Variants in ADGRV1 observed in about 807,000 individuals in gnomAD.
ADGRV1 encodes the protein G-protein coupled receptor 98.
In ADGRV1, 359 loss-of-function variants were observed where a neutral mutation model predicts 596.2. That is an observed-to-expected ratio of 0.60 (90% CI 0.55 to 0.66). The LOEUF is 0.66. ADGRV1 is among the 30% of genes least tolerant of loss of function. The probability of loss-of-function intolerance (pLI) is 0.00; values close to 1 mark genes in which losing one functional copy is unlikely to be tolerated. For synonymous variants in ADGRV1, 2,681 were observed against 2,679.2 expected (o/e 1.00, Z -0.02); for missense variants, 7,274 against 7,575.6 (o/e 0.96, Z 1.48).
rs767899170 is a variant in ADGRV1, at chr5:90,647,594, C to G, written c.3119C>G (p.Thr1040Ser). ...VDVTCMVQYA[T>S]KDGKATARER... ...GTGACTTGCATGGTCCAGTATGCTA[C>G]CAAGGATGGGAAGGCTACTGCAAGA... The change falls in exon 17 of 90, where the codon ACC becomes AGC. Residue 1040 changes from threonine to serine, a missense_variant. Around this residue, in one of 5 missense-constraint regions of ADGRV1, gnomAD observed 1,715 missense variants for 1,708.8 expected, o/e 1.00. Coordinates refer to ENST00000405460, the MANE Select transcript of ADGRV1 (RefSeq NM_032119.4). 1 of 1,613,848 alleles carries G rather than the reference C, an allele frequency of 6.2e-7. No homozygotes were observed. The highest frequency in any genetic ancestry group is 8.5e-7 in the Non-Finnish European group (1 of 1,179,838).
At chr5:90,598,372 C>G (rs1760974756) in intron 1 of ADGRV1, among the ~76,000 whole-genome samples, 1 of 152,212 alleles carries the variant, frequency 6.6e-6, no homozygotes, top group Non-Finnish European at 1.5e-5. Context: ...AAAGACTAAG[C>G]TCTTGAAAAG....
rs762260932 is a variant in ADGRV1, at chr5:90,628,599, C to A, written c.1276C>A (p.His426Asn). The A allele has an allele frequency of 6.2e-7, 1 of 1,613,740 alleles. No individual in the cohort carries two copies. Among genetic ancestry groups the A allele is most frequent in the Non-Finnish European group, 8.5e-7 (1 of 1,179,704 alleles). The change falls in exon 8 of 90, where the codon CAT becomes AAT. Residue 426 changes from histidine to asparagine, a missense_variant. This residue lies in a region of ADGRV1 where 1,715 missense variants were observed against 1,708.8 expected (regional missense o/e 1.00). Transcript: ENST00000405460. ...EITVVRNGGT[H>N]GNVSANWVLT... is the part of the protein sequence containing the mutation. ...CACAGTGGTTAGAAATGGAGGAACC[C>A]ATGGGAATGTCTCTGCGAATTGGGT...
intron 1 of ADGRV1, among the ~76,000 whole-genome samples, chr5:90,598,257 A>G (rs1293878249): frequency 2.6e-5 from 4 of 152,226 alleles, no homozygotes; most frequent in African/African-American, 9.6e-5. Flanking sequence ...TTTGAATGCC[A>G]TTGAATGATG....
chr5:91,086,720 A>G (rs924190577), intron 86 of ADGRV1, among the ~76,000 whole-genome samples: 13 of 152,126 alleles, frequency 8.5e-5, no homozygotes, highest in East Asian at 1.9e-4. Context: ...GGCCACTCCT[A>G]TGCCATTCCC....
chr5:90,749,530 TA>T (rs1432660769), intron 52 of ADGRV1, among the ~76,000 whole-genome samples: 1 of 152,236 alleles, frequency 6.6e-6, no homozygotes, highest in Non-Finnish European at 1.5e-5. Flanking sequence ...AAAATATTGC[TA>T]AAGGATAGGA....
At chr5:90,781,939 A>G (rs960828894) in intron 65 of ADGRV1, among the ~76,000 whole-genome samples, 8 of 152,172 alleles carry the variant, frequency 5.3e-5, no homozygotes, top group African/African-American at 1.7e-4. Flanking sequence ...ATGAATAATC[A>G]TCTTTGAAAT....
chr5:91,090,914 A>T (rs1790327013), intron 86 of ADGRV1, among the ~76,000 whole-genome samples: 1 of 152,174 alleles, frequency 6.6e-6, no homozygotes, highest in African/African-American at 2.4e-5. Flanking sequence ...ATAGGATAGG[A>T]TAGGATAGGA....
In ADGRV1 at chr5:90,788,305, T is replaced by G. The variant is rs1759700092; in HGVS notation, c.13888T>G (p.Leu4630Val). ...AGACTCCAGAGCTAAAGATGTTACA[T>G]TAACCGTATGTATGGCTTTATTTTT... ...KLDSRAKDVTLTIQEFGDPNG... is the reference protein window; with the variant it reads ...KLDSRAKDVTVTIQEFGDPNG... The change falls in exon 68 of 90, where the codon TTA (leucine) becomes GTA (valine). Residue 4630 changes from leucine to valine, a missense_variant. Physicochemically the swap from Leu to Val is conservative, Grantham distance 32 (BLOSUM62 1). Around this residue, in one of 5 missense-constraint regions of ADGRV1, gnomAD observed 3,643 missense variants for 3,809.2 expected, o/e 0.96. Transcript: ENST00000405460. The G allele has an allele frequency of 1.2e-6, 2 of 1,610,458 alleles. No homozygotes were observed. Among genetic ancestry groups the G allele is most frequent in the African/African-American group, 1.3e-5 (1 of 74,976 alleles).
intron 85 of ADGRV1, among the ~76,000 whole-genome samples, chr5:90,988,560 A>G (rs1780687120): frequency 6.6e-6 from 1 of 152,148 alleles, no homozygotes; most frequent in Non-Finnish European, 1.5e-5. Flanking sequence ...TCTAGCCTAT[A>G]AAACACTTTT....
At chr5:90,715,911 G>A (rs1174538206) in intron 42 of ADGRV1, among the ~76,000 whole-genome samples, 1 of 152,146 alleles carries the variant, frequency 6.6e-6, no homozygotes, top group Admixed American at 6.5e-5. Flanking sequence ...AATAGTATTA[G>A]TTGTAATTAT....
rs1464862382 is a variant in ADGRV1 at position 91,114,527 on chromosome 5, GAA to G, written c.18432+12189_18432+12190del. ...CGGCAACAGAGCAACTCTGTCAAAA[GAA>G]AGAAAGGGAAGGAGGGAGGGAGGGA... On this transcript the variant is annotated intron_variant, in intron 87 of 89. Transcript: ENST00000405460. 5.9e-5 allele frequency among the ~76,000 whole-genome samples: 9 copies of G among 152,006 alleles called. No individual in the cohort carries two copies. In the South Asian group the frequency reaches 8.3e-4, roughly 14 times the overall value.
chr5:90,794,582 A>G (rs4916821), intron 70 of ADGRV1, among the ~76,000 whole-genome samples: 19,984 of 152,128 alleles, frequency 0.13, 2,167 homozygotes, highest in East Asian at 0.35. Context: ...AGCCAGTTAT[A>G]AGAGCATGTG....
At chr5:90,800,565 C>T (rs952464938) in intron 70 of ADGRV1, among the ~76,000 whole-genome samples, 1 of 152,160 alleles carries the variant, frequency 6.6e-6, no homozygotes, top group Non-Finnish European at 1.5e-5. Flanking sequence ...CCAGCAATCC[C>T]ATTATTGGGC....
chr5:90,690,653 C>A, intron 30 of ADGRV1, 144 bp from the exon 31 acceptor site: 1 of 802,458 alleles, frequency 1.2e-6, no homozygotes, highest in Non-Finnish European at 1.9e-6. Context: ...ATTTGTATCA[C>A]AGCATGTTAC....
intron 21 of ADGRV1, among the ~76,000 whole-genome samples, chr5:90,671,723 G>A (rs1460867074): frequency 6.6e-6 from 1 of 151,674 alleles, no homozygotes; most frequent in Non-Finnish European, 1.5e-5. Flanking sequence ...TTCATTTTTG[G>A]TTCTTTTTTC....
chr5:90,716,462 G>T lies in ADGRV1; in HGVS notation c.9185-5G>T. On this transcript the variant is annotated splice_polypyrimidine_tract_variant and splice_region_variant and intron_variant, in intron 42 of 89. Coordinates refer to ENST00000405460, the MANE Select transcript of ADGRV1 (RefSeq NM_032119.4). Reference sequence around the variant, plus strand: ...TTTGTTGCTTTAATATTTTTATTTTGGCAGCCTTAATTATTGTCCTTGCTA... The same window carrying T: ...TTTGTTGCTTTAATATTTTTATTTTTGCAGCCTTAATTATTGTCCTTGCTA... The T allele has an allele frequency of 6.6e-7, 1 of 1,516,802 alleles. No homozygotes were observed. Among genetic ancestry groups the T allele is most frequent in the East Asian group, 2.3e-5 (1 of 43,680 alleles). 94.0% of individuals were successfully genotyped at this position (1,516,802 alleles called of 1,614,324 possible). A position where few individuals can be genotyped will look rare whatever the true frequency, so the allele number is the denominator to read the frequency against.
rs569494752 is a variant in ADGRV1 at position 90,945,543 on chromosome 5, A to G, written c.17857-19872A>G. 3.9e-5 allele frequency among the ~76,000 whole-genome samples: 6 copies of G among 152,296 alleles called. No homozygotes were observed. In the South Asian group the frequency reaches 1.2e-3, roughly 32 times the overall value. ...CACAGCAGATTACTATCTTGGGGCC[A>G]AAAGACTAAAATCAAACTCCACTGA... On this transcript the variant is annotated intron_variant, in intron 83 of 89. Transcript: ENST00000405460.
chr5:90,996,574 A>C (rs1223228512), intron 85 of ADGRV1, among the ~76,000 whole-genome samples: 1 of 152,110 alleles, frequency 6.6e-6, no homozygotes, highest in East Asian at 1.9e-4. Context: ...CAGAGGGGAA[A>C]TGTGGGGTTG....
chr5:90,679,591 G>A lies in ADGRV1; in HGVS notation c.5486G>A (p.Gly1829Glu). 1.2e-6 allele frequency: 2 copies of A among 1,613,666 alleles called. No individual in the cohort carries two copies. The highest frequency in any genetic ancestry group is 1.7e-6 in the Non-Finnish European group (2 of 1,179,732). Residue 1829 changes from glycine (G) to glutamate (E), a missense_variant, in exon 26 of 90, where the codon GGG (glycine) becomes GAG (glutamate). Physicochemically the swap from Gly to Glu is moderately conservative, Grantham distance 98. This residue lies in a region of ADGRV1 where 3,643 missense variants were observed against 3,809.2 expected (regional missense o/e 0.96). Transcript: ENST00000405460. ...FRVDGSGSGD[G>E]DMEFFLPTIH... ...GTTGATGGAAGTGGTAGTGGTGATG[G>A]GGACATGGAATTCTTCCTTCCAACT...
Sources: gnomAD v4.1 joint callset for allele counts (sites outside exome capture counted in the v4.1 genomes callset) on GRCh38, gnomAD v4.1.1 for gene constraint, gnomAD v4.1.1 regional missense constraint, MANE v1.5 for transcripts, NCBI Gene and HGNC (gene_info 2026-07-23, HGNC 2026-07-21) for gene names.